The following PRMT3 variants were observed in gnomAD, a reference collection of about 807,000 sequenced individuals.
PRMT3 encodes the protein protein arginine N-methyltransferase 3.
PRMT3 carries 62 observed loss-of-function variants against 71.9 expected under a neutral mutation model. The observed-to-expected ratio is 0.86, with a 90% confidence interval of 0.70 to 1.07. The LOEUF (loss-of-function observed/expected upper bound fraction) is 1.07. Among genes scored for constraint, PRMT3 ranks in the 50% least tolerant of loss-of-function variants. The pLI is 0.00. For synonymous variants in PRMT3, 213 were observed against 220.4 expected (o/e 0.97, Z 0.30); for missense variants, 663 against 643.0 (o/e 1.03, Z -0.34).
At chr11:20,478,646 A>G (rs752809360) in intron 13 of PRMT3, among the ~76,000 whole-genome samples, 14 of 152,156 alleles carry the variant, frequency 9.2e-5, no homozygotes, top group Non-Finnish European at 1.6e-4. Flanking sequence ...TTTAAGGCTA[A>G]TGCAATTGCT....
chr11:20,441,243 C>G (rs1386806147), intron 10 of PRMT3, among the ~76,000 whole-genome samples: 1 of 151,066 alleles, frequency 6.6e-6, no homozygotes, highest in Non-Finnish European at 1.5e-5. Flanking sequence ...TATGTTCCTA[C>G]AGACCAGATG....
At chr11:20,446,254 T>A (rs1434166721) in intron 10 of PRMT3, among the ~76,000 whole-genome samples, 1 of 152,146 alleles carries the variant, frequency 6.6e-6, no homozygotes, top group East Asian at 1.9e-4. Flanking sequence ...CATGTAGTAG[T>A]TTCCCATTGT....
intron 13 of PRMT3, among the ~76,000 whole-genome samples, chr11:20,471,281 A>G (rs1850638769): frequency 6.6e-6 from 1 of 151,916 alleles, no homozygotes; most frequent in African/African-American, 2.4e-5. Context: ...TTGTCATGAA[A>G]TCTTTGCCCG....
chr11:20,487,261 C>T (rs1404191303), intron 13 of PRMT3, among the ~76,000 whole-genome samples: 1 of 152,178 alleles, frequency 6.6e-6, no homozygotes, highest in African/African-American at 2.4e-5. Context: ...TATTTACATA[C>T]CAGTAGTTCT....
At chr11:20,404,319 C>T (rs566290283) in intron 8 of PRMT3, among the ~76,000 whole-genome samples, 1 of 135,158 alleles carries the variant, frequency 7.4e-6, no homozygotes, top group East Asian at 2.3e-4. Context: ...CTGCAACCTC[C>T]GCCTCCTGGG....
intron 9 of PRMT3, among the ~76,000 whole-genome samples, chr11:20,412,247 A>G (rs1011317260): frequency 6.6e-6 from 1 of 152,116 alleles, no homozygotes; most frequent in Non-Finnish European, 1.5e-5. Flanking sequence ...GGCCATGTTT[A>G]AGATTCATTA....
At chr11:20,410,145 GT>G (rs1440598773) in intron 9 of PRMT3, among the ~76,000 whole-genome samples, 36 of 152,098 alleles carry the variant, frequency 2.4e-4, no homozygotes, top group Non-Finnish European at 4.4e-5. Flanking sequence ...GTAGAAACAT[GT>G]TTATGTAATG....
intron 11 of PRMT3, among the ~76,000 whole-genome samples, chr11:20,460,911 C>T (rs1418224100): frequency 6.6e-6 from 1 of 152,140 alleles, no homozygotes; most frequent in African/African-American, 2.4e-5. Context: ...TTCAGATCAC[C>T]TGGTTTATTT....
rs1565238289 is a variant in PRMT3 at position 20,494,228 on chromosome 11, TG to T, written c.1462del (p.Glu488LysfsTer12). ...CACTGGAAACAAACAGTATTTCTAC[TG>T]GAAAAACCATTTTCAGTTAAAGCAG... ...KTHWKQTVFL[L>X]EKPFSVKAGE... On this transcript the variant is annotated frameshift_variant, in exon 15 of 16. Coordinates refer to ENST00000331079, the MANE Select transcript of PRMT3 (RefSeq NM_005788.4). LOFTEE classifies it high-confidence loss of function. 3 of 1,607,794 alleles carry T rather than the reference TG, an allele frequency of 1.9e-6. No homozygotes were observed. The highest frequency in any genetic ancestry group is 1.7e-6 in the Non-Finnish European group (2 of 1,174,402).
At chr11:20,508,217 T>A in intron 15 of PRMT3, 87 bp from the exon 16 acceptor site, 7 of 572,780 alleles carry the variant, frequency 1.2e-5, no homozygotes, top group South Asian at 2.7e-5. Flanking sequence ...AACATCACAA[T>A]AAAAAGAAGT....
At chr11:20,438,381 T>C (rs1245791785) in intron 10 of PRMT3, among the ~76,000 whole-genome samples, 1 of 152,048 alleles carries the variant, frequency 6.6e-6, no homozygotes, top group East Asian at 1.9e-4. Flanking sequence ...GCAAGTACCC[T>C]AGAATGGTGG....
At chr11:20,455,841 A>G (rs1233667586) in intron 11 of PRMT3, among the ~76,000 whole-genome samples, 2 of 151,676 alleles carry the variant, frequency 1.3e-5, no homozygotes, top group South Asian at 4.1e-4. Flanking sequence ...TATTGAGACA[A>G]TTGTGTAAAA....
At chr11:20,427,726 G>A (rs1431779707) in intron 10 of PRMT3, among the ~76,000 whole-genome samples, 9 of 148,106 alleles carry the variant, frequency 6.1e-5, no homozygotes, top group East Asian at 5.9e-4. Context: ...ACTCCACCTC[G>A]AAAAAAAAAA....
At chr11:20,399,943 G>A (rs1325362435) in intron 7 of PRMT3, among the ~76,000 whole-genome samples, 2 of 152,154 alleles carry the variant, frequency 1.3e-5, no homozygotes, top group Admixed American at 6.5e-5. Flanking sequence ...CTTGTGCAGT[G>A]TAATTTCCTC....
intron 10 of PRMT3, among the ~76,000 whole-genome samples, chr11:20,430,569 T>G (rs1849634268): frequency 6.6e-6 from 1 of 152,170 alleles, no homozygotes; most frequent in African/African-American, 2.4e-5. Flanking sequence ...AATTTTATAT[T>G]TTCATTTTTG....
intron 7 of PRMT3, among the ~76,000 whole-genome samples, chr11:20,398,046 A>G (rs886102169): frequency 2.7e-5 from 4 of 150,874 alleles, no homozygotes; most frequent in South Asian, 2.1e-4. Context: ...TTACAGAGGC[A>G]TCAGTCATTT....
intron 10 of PRMT3, among the ~76,000 whole-genome samples, chr11:20,449,212 C>G (rs1469768199): frequency 6.6e-6 from 1 of 152,054 alleles, no homozygotes; most frequent in African/African-American, 2.4e-5. Context: ...CTTATTAGTT[C>G]TATATATATG....
intron 9 of PRMT3, among the ~76,000 whole-genome samples, chr11:20,411,587 A>G (rs1398581765): frequency 6.6e-6 from 1 of 152,118 alleles, no homozygotes; most frequent in Non-Finnish European, 1.5e-5. Flanking sequence ...ACTACTGCAA[A>G]TAATTATTTT....
chr11:20,431,247 A>T (rs903800992), intron 10 of PRMT3, among the ~76,000 whole-genome samples: 1 of 152,150 alleles, frequency 6.6e-6, no homozygotes, highest in Non-Finnish European at 1.5e-5. Flanking sequence ...GATATAGTAT[A>T]TGACAGGGTT....
Sources: allele counts gnomAD v4.1 joint callset (sites outside exome capture counted in the v4.1 genomes callset), GRCh38; gene constraint gnomAD v4.1.1; transcripts MANE v1.5; gene names NCBI Gene and HGNC (gene_info 2026-07-23, HGNC 2026-07-21).